Variants in DLGAP1 observed in about 807,000 individuals in gnomAD.
The protein encoded by DLGAP1 is disks large-associated protein 1.
DLGAP1 carries 11 observed loss-of-function variants against 90.8 expected under a neutral mutation model. The observed-to-expected ratio is 0.12, with a 90% CI of 0.08 to 0.20. DLGAP1 has a LOEUF of 0.20. DLGAP1 is among the 10% of genes least tolerant of loss of function. DLGAP1 has a pLI of 1.00. For missense variants in DLGAP1, 1,050 were observed against 1,333.8 expected (o/e 0.79, Z 3.31); for synonymous variants, 558 against 540.7 (o/e 1.03, Z -0.44).
At chr18:4,339,828 T>C (rs1179561562) in intron 1 of DLGAP1, among the ~76,000 whole-genome samples, 1 of 152,154 alleles carries the variant, frequency 6.6e-6, no homozygotes, top group Non-Finnish European at 1.5e-5. Context: ...CACAAATTCT[T>C]GCACAAAAAG....
At chr18:3,766,838 C>A (rs12604679) in intron 5 of DLGAP1, among the ~76,000 whole-genome samples, 1 of 151,958 alleles carries the variant, frequency 6.6e-6, no homozygotes, top group East Asian at 1.9e-4. Flanking sequence ...GAGAGGGAAA[C>A]GTATAGCACT....
intron 2 of DLGAP1, among the ~76,000 whole-genome samples, chr18:4,092,030 G>A (rs2075779985): frequency 6.6e-6 from 1 of 152,108 alleles, no homozygotes; most frequent in African/African-American, 2.4e-5. Context: ...GGCCTACAGT[G>A]CTGGAGTTGG....
rs1397912790 is a variant in DLGAP1, at chr18:3,534,206, G to T, written c.2467C>A (p.Leu823Met). The T allele has an allele frequency of 2.5e-6, 4 of 1,613,476 alleles. No individual in the cohort carries two copies. The highest frequency in any genetic ancestry group is 1.3e-5 in the African/African-American group (1 of 74,922). ...TGGCATTACTTACTGTCTTCGGGCA[G>T]GTTGTTTTCCCGTTCTTCCCGCTCC... ...QMEREERENN[L>M]PEDILGKIRT... The change falls in exon 10 of 13, where the codon CTG becomes ATG. Residue 823 changes from leucine to methionine, a missense_variant. Leu to Met is a conservative substitution (Grantham distance 15, BLOSUM62 2). This residue lies in a region of DLGAP1 where 565 missense variants were observed against 879.7 expected (regional missense o/e 0.64). Coordinates refer to ENST00000315677, the MANE Select transcript of DLGAP1 (RefSeq NM_004746.4).
At chr18:3,762,939 C>T (rs140641025) in intron 5 of DLGAP1, among the ~76,000 whole-genome samples, 22 of 152,314 alleles carry the variant, frequency 1.4e-4, no homozygotes, top group African/African-American at 5.1e-4. Flanking sequence ...TACAGAATGG[C>T]CATTATCATC....
chr18:4,047,631 C>T (rs1568368251), intron 2 of DLGAP1, among the ~76,000 whole-genome samples: 1 of 152,092 alleles, frequency 6.6e-6, no homozygotes, highest in African/African-American at 2.4e-5. Context: ...ACTTTTAGTC[C>T]ATTTGTATCA....
chr18:3,888,930 T>C (rs764326284), intron 3 of DLGAP1, among the ~76,000 whole-genome samples: 3 of 152,184 alleles, frequency 2.0e-5, no homozygotes, highest in Non-Finnish European at 4.4e-5. Context: ...AGAGGGTTGG[T>C]TATCTCGGCT....
intron 8 of DLGAP1, chr18:3,580,404 G>C (rs1461185276): frequency 1.1e-5 from 17 of 1,613,662 alleles, no homozygotes; most frequent in Non-Finnish European, 1.4e-5. Flanking sequence ...CAGGTGGACA[G>C]CTCCACAGCC....
chr18:4,289,181 A>G (rs978246942), intron 1 of DLGAP1, among the ~76,000 whole-genome samples: 2 of 152,152 alleles, frequency 1.3e-5, no homozygotes, highest in African/African-American at 4.8e-5. Context: ...TGGCTGAATG[A>G]AGATGGGGCC....
chr18:4,098,848 A>G (rs2143843514), intron 2 of DLGAP1, among the ~76,000 whole-genome samples: 1 of 152,332 alleles, frequency 6.6e-6, no homozygotes, highest in East Asian at 1.9e-4. Flanking sequence ...TGAGATCTTT[A>G]GACATATGGG....
At chr18:4,312,488 CAAT>C (rs944032177) in intron 1 of DLGAP1, among the ~76,000 whole-genome samples, 1 of 152,118 alleles carries the variant, frequency 6.6e-6, no homozygotes, top group Non-Finnish European at 1.5e-5. Flanking sequence ...TCTGAACTAA[CAAT>C]AATTCAACTT....
At chr18:4,387,236 C>A (rs2082247779) in intron 1 of DLGAP1, among the ~76,000 whole-genome samples, 1 of 152,116 alleles carries the variant, frequency 6.6e-6, no homozygotes, top group Non-Finnish European at 1.5e-5. Flanking sequence ...ATAACAAACA[C>A]ACCTGCACAG....
At chr18:3,602,605 A>AAC (rs1568284601) in intron 7 of DLGAP1, among the ~76,000 whole-genome samples, 9 of 151,498 alleles carry the variant, frequency 5.9e-5, no homozygotes, top group African/African-American at 1.9e-4. Context: ...AAAAAAAAAA[A>AAC]AAAAAAAAAA....
intron 3 of DLGAP1, among the ~76,000 whole-genome samples, chr18:3,884,308 A>C (rs1047042012): frequency 3.9e-5 from 6 of 152,194 alleles, no homozygotes; most frequent in Non-Finnish European, 8.8e-5. Context: ...AAAAGCAAAA[A>C]CAAGATTCTA....
chr18:4,393,934 G>A (rs1567886225), intron 1 of DLGAP1, among the ~76,000 whole-genome samples: 1 of 151,316 alleles, frequency 6.6e-6, no homozygotes, highest in Admixed American at 6.6e-5. Flanking sequence ...AGGAGGCGGG[G>A]CTCAGGTGGT....
intron 7 of DLGAP1, among the ~76,000 whole-genome samples, chr18:3,621,981 T>C (rs2058109466): frequency 6.6e-6 from 1 of 151,918 alleles, no homozygotes; most frequent in South Asian, 2.1e-4. Flanking sequence ...AATAAATACA[T>C]AAGTTAAAAG....
chr18:4,004,032 G>A (rs1296379165), intron 3 of DLGAP1, among the ~76,000 whole-genome samples: 1 of 152,082 alleles, frequency 6.6e-6, no homozygotes, highest in Non-Finnish European at 1.5e-5. Context: ...CAGTGTCCAG[G>A]GCACGTTAGT....
intron 5 of DLGAP1, among the ~76,000 whole-genome samples, chr18:3,788,504 A>C (rs1389673916): frequency 6.6e-6 from 1 of 152,232 alleles, no homozygotes; most frequent in African/African-American, 2.4e-5. Flanking sequence ...GAGATACTAA[A>C]AATAATTTCT....
intron 5 of DLGAP1, among the ~76,000 whole-genome samples, chr18:3,763,417 G>T (rs2064063654): frequency 6.6e-6 from 1 of 151,988 alleles, no homozygotes; most frequent in Admixed American, 6.6e-5. Context: ...AGTTTATTGT[G>T]GGACTCTACC....
intron 2 of DLGAP1, among the ~76,000 whole-genome samples, chr18:4,133,897 G>A (rs1035499064): frequency 2.0e-5 from 3 of 151,766 alleles, no homozygotes; most frequent in Non-Finnish European, 4.4e-5. Flanking sequence ...AGGACTTGGG[G>A]AAAAACAACC....
Sources: allele counts gnomAD v4.1 joint callset (sites outside exome capture counted in the v4.1 genomes callset), GRCh38; gene constraint gnomAD v4.1.1; regional missense constraint gnomAD v4.1.1; transcripts MANE v1.5; gene names NCBI Gene and HGNC (gene_info 2026-07-23, HGNC 2026-07-21).